UNK: variants seen among roughly 807,000 people sequenced by gnomAD.
UNK encodes the protein RING finger protein unkempt homolog.
In UNK, 32 loss-of-function variants were observed where a neutral mutation model predicts 97.6. That is an observed-to-expected ratio of 0.33 (90% confidence interval 0.25 to 0.44). UNK has a LOEUF of 0.44. UNK is among the 20% of genes least tolerant of loss of function. The pLI, the probability that UNK is intolerant of heterozygous loss-of-function variation, is 1.00. For synonymous variants in UNK, 441 were observed against 461.2 expected (o/e 0.96, Z 0.56); for missense variants, 771 against 1,098.4 (o/e 0.70, Z 4.21).
intron 1 of UNK, among the ~76,000 whole-genome samples, chr17:75,804,187 C>T (rs528467284): frequency 3.3e-5 from 5 of 152,356 alleles, no homozygotes; most frequent in Admixed American, 2.0e-4. Flanking sequence ...GGCGTGGTGG[C>T]TTATGCCTAT....
At chr17:75,787,135 A>G (rs1277087989) in intron 1 of UNK, among the ~76,000 whole-genome samples, 1 of 152,204 alleles carries the variant, frequency 6.6e-6, no homozygotes. Context: ...GGAAAACTTC[A>G]TCCCCTAGTC....
At chr17:75,802,619 T>C (rs1223477378) in intron 1 of UNK, among the ~76,000 whole-genome samples, 9 of 152,142 alleles carry the variant, frequency 5.9e-5, no homozygotes, top group Non-Finnish European at 1.3e-4. Context: ...GTAGTTTCAG[T>C]TGCAGGCTAC....
At position 75,809,898 on chromosome 17, in the gene UNK, C is replaced by A; in HGVS notation, c.243C>A (p.Thr81=). The change falls in exon 2 of 16, where the codon ACC becomes ACA. Residue 81 remains threonine, a synonymous_variant. Coordinates refer to ENST00000589666, the MANE Select transcript of UNK (RefSeq NM_001080419.3). ...RRRSIRRRDG[T]FNYSPDVYCT... Reference sequence around the variant, plus strand: ...GGTCCATCCGCCGTCGGGACGGCACCTTCAATTACAGCCCTGACGTCTACT... The same window carrying A: ...GGTCCATCCGCCGTCGGGACGGCACATTCAATTACAGCCCTGACGTCTACT... The A allele has an allele frequency of 6.2e-7, 1 of 1,613,878 alleles. No individual in the cohort carries two copies. Among genetic ancestry groups the A allele is most frequent in the African/African-American group, 1.3e-5 (1 of 75,078 alleles).
At chr17:75,801,695 C>T (rs533987317) in intron 1 of UNK, among the ~76,000 whole-genome samples, 4 of 151,702 alleles carry the variant, frequency 2.6e-5, no homozygotes, top group African/African-American at 7.3e-5. Context: ...TACAGGCGCC[C>T]GCCACCACAC....
At position 75,825,669 on chromosome 17, in the gene UNK, T is replaced by C. The variant is rs923364095; in HGVS notation, c.*1252T>C. 1.3e-5 allele frequency: 2 copies of C among 152,264 alleles called. No homozygotes were observed. The highest frequency in any genetic ancestry group is 6.5e-5 in the Admixed American group (1 of 15,288). The allele number at this position is 152,264 out of a possible 1,614,324, so 9.4% of individuals were successfully genotyped here. ...CAAGAGGGCTGAGAGGGTCTGGTCCTGGCCCAGGCTCCCCCTTGGGCTCAG... is the reference window on the plus strand; with the variant it reads ...CAAGAGGGCTGAGAGGGTCTGGTCCCGGCCCAGGCTCCCCCTTGGGCTCAG... On this transcript the variant is annotated 3_prime_UTR_variant, in exon 16 of 16. Transcript: ENST00000589666. This position sits in a 1 kb window ranked among gnomAD's most constrained non-coding sequence, Gnocchi z 4.4.
chr17:75,784,928 C>G lies in UNK; in HGVS notation c.48C>G (p.Pro16=). ...GCGGCTCCGCAGCTTCCTCGGCGCC[C>G]CCGGCCGCTACCGCTCAGGTGCTGC... ...GPGGSAASSA[P]PAATAQVLQA... is the part of the protein sequence containing the mutation. Residue 16 remains proline (P), a synonymous_variant, in exon 1 of 16, where the codon CCC becomes CCG. Coordinates refer to ENST00000589666, the MANE Select transcript of UNK (RefSeq NM_001080419.3). The G allele has an allele frequency of 6.4e-7, 1 of 1,557,852 alleles. No homozygotes were observed. The highest frequency in any genetic ancestry group is 8.7e-7 in the Non-Finnish European group (1 of 1,154,816).
chr17:75,801,660 C>A (rs1369730718), intron 1 of UNK, among the ~76,000 whole-genome samples: 3 of 151,664 alleles, frequency 2.0e-5, no homozygotes, highest in African/African-American at 7.3e-5. Flanking sequence ...GATTCTCCTG[C>A]CTCAGCCTCC....
intron 5 of UNK, 71 bp from the exon 6 acceptor site, chr17:75,813,690 C>A: frequency 1.5e-6 from 2 of 1,340,794 alleles, no homozygotes; most frequent in Admixed American, 2.1e-5. Context: ...AGGCTGGGTC[C>A]AGGTGGCACC....
Position 75,818,017 on chromosome 17 carries a change from C to A in UNK, c.1306-86C>A. ...GGGTTGCATGTCTGCCACCACCTGC[C>A]CCCTGGTACCTGCAGCCTCAGGGTC... is the stretch of plus-strand genomic sequence containing the variant. On this transcript the variant is annotated intron_variant, in intron 9 of 15. Transcript: ENST00000589666. The surrounding 1 kb of genome is among the most constrained non-coding windows in gnomAD (Gnocchi z 5.1). The A allele has an allele frequency of 7.4e-7, 1 of 1,352,446 alleles. No homozygotes were observed. The highest frequency in any genetic ancestry group is 1.7e-5 in the Admixed American group (1 of 57,378). The allele number at this position is 1,352,446 out of a possible 1,614,324, so 83.8% of individuals were successfully genotyped here. A position where few individuals can be genotyped will look rare whatever the true frequency, so the allele number is the denominator to read the frequency against.
At chr17:75,810,466 G>A (rs2061958543) in intron 2 of UNK, among the ~76,000 whole-genome samples, 1 of 149,568 alleles carries the variant, frequency 6.7e-6, no homozygotes, top group Non-Finnish European at 1.5e-5. Context: ...TCACACTAAT[G>A]ACAGACATAG....
At chr17:75,823,576 C>CT in intron 15 of UNK, 54 bp downstream of exon 15, 1 of 1,478,034 alleles carries the variant, frequency 6.8e-7, no homozygotes, top group Non-Finnish European at 9.0e-7. Flanking sequence ...TCAGCCAGCT[C>CT]TTGGACTCTG....
intron 1 of UNK, among the ~76,000 whole-genome samples, chr17:75,803,467 T>C (rs2061882374): frequency 6.6e-6 from 1 of 152,188 alleles, no homozygotes; most frequent in Non-Finnish European, 1.5e-5. Flanking sequence ...AAAACACTAA[T>C]TCAGTACAAC....
At chr17:75,809,087 C>T (rs1011742119) in intron 1 of UNK, 35 of 1,516 alleles carry the variant, frequency 0.023, no homozygotes, top group African/African-American at 0.052. Flanking sequence ...GCTGGAGCGG[C>T]GGGGGCGGGG....
At chr17:75,792,392 T>C (rs2061770640) in intron 1 of UNK, 1 of 985,350 alleles carries the variant, frequency 1.0e-6, no homozygotes, top group Non-Finnish European at 1.2e-6. Context: ...TGGACAGTTA[T>C]GGCTAATCCT....
At chr17:75,792,321 G>A (rs1031280989) in intron 1 of UNK, 1 of 985,206 alleles carries the variant, frequency 1.0e-6, no homozygotes, top group Non-Finnish European at 1.2e-6. Context: ...AGCTATGGTT[G>A]ATACTAAAGG....
intron 13 of UNK, chr17:75,821,687 G>C (rs2062069724): frequency 6.6e-6 from 3 of 456,578 alleles, no homozygotes; most frequent in Non-Finnish European, 1.3e-5. Context: ...GAAGTCACCA[G>C]AAAGTACATA....
At chr17:75,806,494 C>G (rs1369950848) in intron 1 of UNK, among the ~76,000 whole-genome samples, 1 of 149,768 alleles carries the variant, frequency 6.7e-6, no homozygotes, top group Non-Finnish European at 1.5e-5. Flanking sequence ...AAATTTTGGG[C>G]CGGGCGCGGT....
rs1056095044 is a variant in UNK, at chr17:75,824,797, T to G, written c.*380T>G. ...CAGAGAATCTGGTTCTGTCTCTTTT[T>G]TAATGTAGGAACTAACTATTTTTAA... On this transcript the variant is annotated 3_prime_UTR_variant, in exon 16 of 16. Coordinates refer to ENST00000589666, the MANE Select transcript of UNK (RefSeq NM_001080419.3). The surrounding 1 kb of genome is among the most constrained non-coding windows in gnomAD (Gnocchi z 4.9). 3 of 152,542 alleles carry G rather than the reference T, an allele frequency of 2.0e-5. No individual in the cohort carries two copies. The highest frequency in any genetic ancestry group is 7.2e-5 in the African/African-American group (3 of 41,464). 9.4% of individuals were successfully genotyped at this position (152,542 alleles called of 1,614,324 possible).
chr17:75,815,093 T>C, intron 6 of UNK, 76 bp from the exon 7 acceptor site: 1 of 1,382,740 alleles, frequency 7.2e-7, no homozygotes, highest in Non-Finnish European at 1.0e-6. Context: ...GCCAGCGCAC[T>C]CATGCTGGAG....
Sources: gnomAD v4.1 joint callset for allele counts (sites outside exome capture counted in the v4.1 genomes callset) on GRCh38, gnomAD v4.1.1 for gene constraint, Gnocchi (gnomAD v3.1) non-coding constraint, MANE v1.5 for transcripts, NCBI Gene and HGNC (gene_info 2026-07-23, HGNC 2026-07-21) for gene names.